Variants in FARP2 observed in about 807,000 individuals in gnomAD.
The protein encoded by FARP2 is FERM, ARHGEF and pleckstrin domain-containing protein 2.
FARP2 carries 111 observed loss-of-function variants against 130.5 expected under a neutral mutation model. That is an observed-to-expected ratio of 0.85 (90% CI 0.73 to 1.00). The LOEUF (loss-of-function observed/expected upper bound fraction) is 1.00. FARP2 is among the 50% of genes least tolerant of loss of function. The pLI is 0.00. For missense variants in FARP2, 1,385 were observed against 1,346.3 expected (o/e 1.03, Z -0.45); for synonymous variants, 504 against 516.9 (o/e 0.98, Z 0.34).
At chr2:241,491,751 A>G (rs2064922280) in intron 24 of FARP2, 72 bp downstream of exon 24, 1 of 1,426,532 alleles carries the variant, frequency 7.0e-7, no homozygotes, top group Non-Finnish European at 9.4e-7. Flanking sequence ...GCTGCTGAGG[A>G]GGGGACCTCA....
At chr2:241,399,561 C>T (rs545640030) in intron 2 of FARP2, among the ~76,000 whole-genome samples, 4 of 152,322 alleles carry the variant, frequency 2.6e-5, no homozygotes, top group South Asian at 4.1e-4. Context: ...CCATCTGCCT[C>T]GGCCTCCCAA....
In FARP2 at chr2:241,407,614, A is replaced by G. The variant is rs770206768; in HGVS notation, c.409A>G (p.Arg137Gly). 1 of 1,611,920 alleles carries G rather than the reference A, an allele frequency of 6.2e-7. No individual in the cohort carries two copies. Among genetic ancestry groups the G allele is most frequent in the Non-Finnish European group, 8.5e-7 (1 of 1,178,040 alleles). The part of the protein sequence containing the change: ...DPGQLQEEYT[R>G]YLFALQLKRD... Reference sequence around the variant, plus strand: ...TGGTCAGCTACAAGAAGAATATACAAGGTAAAGAGCTCACAGAGCTGAAGC... The same window carrying G: ...TGGTCAGCTACAAGAAGAATATACAGGGTAAAGAGCTCACAGAGCTGAAGC... The change falls in exon 5 of 27, where the codon AGA (arginine) becomes GGA (glycine). Residue 137 changes from arginine to glycine, a missense_variant and splice_region_variant. Coordinates refer to ENST00000264042, the MANE Select transcript of FARP2 (RefSeq NM_014808.4).
chr2:241,455,834 G>A (rs1291806664), intron 13 of FARP2, among the ~76,000 whole-genome samples: 1 of 146,556 alleles, frequency 6.8e-6, no homozygotes, highest in East Asian at 2.0e-4. Context: ...CTGCCTCCTG[G>A]GTTCATGCCA....
intron 19 of FARP2, among the ~76,000 whole-genome samples, chr2:241,481,056 CAAA>C (rs34996407): frequency 0.024 from 2,549 of 105,128 alleles, 87 homozygotes; most frequent in African/African-American, 0.084. Context: ...TTGTCTCTAC[CAAA>C]AAAAAAAAAA....
chr2:241,388,111 C>T (rs910188584), intron 2 of FARP2, among the ~76,000 whole-genome samples: 3 of 152,038 alleles, frequency 2.0e-5, no homozygotes, highest in African/African-American at 2.4e-5. Flanking sequence ...AGCCAAAAAC[C>T]TAAAATAGCC....
chr2:241,373,309 G>A lies in FARP2; in HGVS notation c.183+19G>A, dbSNP rs781512026. On this transcript the variant is annotated intron_variant, in intron 2 of 26. Transcript: ENST00000264042. ...CATTGAGGTAAGAAGCATGATTTTT[G>A]GAGGCATATTTCCTTATATCTTCTA... is the stretch of plus-strand genomic sequence containing the variant. The A allele has an allele frequency of 7.3e-6, 10 of 1,371,010 alleles. No individual in the cohort carries two copies. The African/African-American group carries it at 1.0e-4, about 14-fold the overall frequency. 84.9% of individuals were successfully genotyped at this position (1,371,010 alleles called of 1,614,324 possible).
chr2:241,426,299 G>A (rs1357445773), intron 8 of FARP2, among the ~76,000 whole-genome samples: 1 of 152,134 alleles, frequency 6.6e-6, no homozygotes, highest in African/African-American at 2.4e-5. Flanking sequence ...CAAATGAAAC[G>A]AGGCAATTAG....
Position 241,494,205 on chromosome 2 carries a change from C to T in FARP2, c.*80C>T, listed in dbSNP as rs2065041203. 2 of 845,078 alleles carry T rather than the reference C, an allele frequency of 2.4e-6. No homozygotes were observed. The highest frequency in any genetic ancestry group is 3.5e-6 in the Non-Finnish European group (2 of 574,962). 52.3% of individuals were successfully genotyped at this position (845,078 alleles called of 1,614,324 possible). On this transcript the variant is annotated 3_prime_UTR_variant, in exon 27 of 27. Transcript: ENST00000264042. This position sits in a 1 kb window ranked among gnomAD's most constrained non-coding sequence, Gnocchi z 4.9. ...TGACCTCTGTCCTGAGGCTTCTCAA[C>T]AGATGGGAAGTGGCTGTGGTCTCAC...
chr2:241,427,514 G>A (rs905178458), intron 8 of FARP2, among the ~76,000 whole-genome samples: 2 of 152,154 alleles, frequency 1.3e-5, no homozygotes, highest in African/African-American at 4.8e-5. Flanking sequence ...TTTTTGTAGA[G>A]ATGGTGTGTG....
Position 241,475,426 on chromosome 2 carries a change from C to T in FARP2, c.2132-431C>T, listed in dbSNP as rs373096088. ...AGGCCACACGGCAGGAGGTGAGTGG[C>T]GGGCAAGTGAAGCTTCTCTGTATTT... On this transcript the variant is annotated intron_variant, in intron 18 of 26. Coordinates refer to ENST00000264042, the MANE Select transcript of FARP2 (RefSeq NM_014808.4). This position sits in a 1 kb window ranked among gnomAD's most constrained non-coding sequence, Gnocchi z 4.4. 2.0e-3 allele frequency among the ~76,000 whole-genome samples: 305 copies of T among 152,282 alleles called. 13 individuals are homozygous for T. The South Asian group carries it at 0.042, about 21-fold the overall frequency.
chr2:241,457,795 G>A (rs3821283), intron 14 of FARP2, among the ~76,000 whole-genome samples: 2,008 of 150,766 alleles, frequency 0.013, 54 homozygotes, highest in East Asian at 0.13. Flanking sequence ...ACTAGGGACC[G>A]CTTTGGGTTC....
chr2:241,484,710 C>T (rs561505193), intron 21 of FARP2, among the ~76,000 whole-genome samples: 1 of 152,306 alleles, frequency 6.6e-6, no homozygotes, highest in East Asian at 1.9e-4. Context: ...GCCCTCTGTC[C>T]CATGTAGGCA....
intron 4 of FARP2, among the ~76,000 whole-genome samples, chr2:241,405,703 G>A (rs997973691): frequency 6.6e-6 from 1 of 152,214 alleles, no homozygotes; most frequent in African/African-American, 2.4e-5. Context: ...GGAGGCCCAA[G>A]CGGGCAGATC....
In FARP2 at chr2:241,370,806, G is replaced by A. The variant is rs1217529971; in HGVS notation, c.-24-2278G>A. ...GATGTACCAGTTCATGTTTTTTGGT[G>A]CCAGTGACATTAAGTAAATACTTAG... On this transcript the variant is annotated intron_variant, in intron 1 of 26. Coordinates refer to ENST00000264042, the MANE Select transcript of FARP2 (RefSeq NM_014808.4). 4.6e-5 allele frequency among the ~76,000 whole-genome samples: 7 copies of A among 152,130 alleles called. No individual in the cohort carries two copies. In the South Asian group the frequency reaches 6.2e-4, roughly 14 times the overall value.
At chr2:241,368,415 A>G (rs924360673) in intron 1 of FARP2, among the ~76,000 whole-genome samples, 4 of 152,148 alleles carry the variant, frequency 2.6e-5, no homozygotes, top group Non-Finnish European at 4.4e-5. Context: ...TGGTGCGCCA[A>G]GGACTGTTCA....
intron 8 of FARP2, among the ~76,000 whole-genome samples, chr2:241,430,555 G>A (rs2063065050): frequency 6.6e-6 from 1 of 152,088 alleles, no homozygotes; most frequent in Non-Finnish European, 1.5e-5. Flanking sequence ...TTACACTCTA[G>A]CACTGTGTTC....
intron 19 of FARP2, 34 bp from the exon 20 acceptor site, chr2:241,483,431 C>A: frequency 6.3e-7 from 1 of 1,592,606 alleles, no homozygotes; most frequent in Non-Finnish European, 8.6e-7. Context: ...CTGCCCTCAG[C>A]CCGCTGAAAG....
chr2:241,373,294 A>G lies in FARP2; in HGVS notation c.183+4A>G. On this transcript the variant is annotated splice_donor_region_variant and intron_variant, in intron 2 of 26. Coordinates refer to ENST00000264042, the MANE Select transcript of FARP2 (RefSeq NM_014808.4). ...CATGGAAATATTTGACATTGAGGTA[A>G]GAAGCATGATTTTTGGAGGCATATT... 1 of 1,405,454 alleles carries G rather than the reference A, an allele frequency of 7.1e-7. No homozygotes were observed. The highest frequency in any genetic ancestry group is 9.4e-7 in the Non-Finnish European group (1 of 1,065,276). The allele number at this position is 1,405,454 out of a possible 1,614,324, so 87.1% of individuals were successfully genotyped here.
intron 1 of FARP2, among the ~76,000 whole-genome samples, chr2:241,366,826 G>A (rs141263560): frequency 6.6e-6 from 1 of 152,068 alleles, no homozygotes; most frequent in African/African-American, 2.4e-5. Context: ...AGTTGAAAAA[G>A]CTGGGGCTGG....
Sources: allele counts gnomAD v4.1 joint callset (sites outside exome capture counted in the v4.1 genomes callset), GRCh38; gene constraint gnomAD v4.1.1; non-coding constraint Gnocchi (gnomAD v3.1); transcripts MANE v1.5; gene names NCBI Gene and HGNC (gene_info 2026-07-23, HGNC 2026-07-21).